SPTB: variants seen among roughly 807,000 people sequenced by gnomAD.
SPTB encodes spectrin beta chain, erythrocytic.
In SPTB, 45 loss-of-function variants were observed where a neutral mutation model predicts 256.2. The ratio of observed to expected loss-of-function variants is 0.18; its 90% CI spans 0.14 to 0.23. The LOEUF (loss-of-function observed/expected upper bound fraction) is 0.23, where lower values mean the gene tolerates loss of function less well. SPTB is among the 10% of genes least tolerant of loss of function. SPTB has a pLI of 1.00. For missense variants in SPTB, 2,715 were observed against 3,040.4 expected, an observed-to-expected ratio of 0.89 and a Z score of 2.52; for synonymous variants, 1,231 against 1,243.1, an observed-to-expected ratio of 0.99 and a Z score of 0.21.
intron 1 of SPTB, among the ~76,000 whole-genome samples, chr14:64,875,208 C>A (rs1471366758): frequency 1.3e-5 from 2 of 152,130 alleles, no homozygotes; most frequent in Non-Finnish European, 2.9e-5. Context: ...GAAAGGTGGT[C>A]TGGGAATTTG....
chr14:64,783,118 C>G (rs1316032999), intron 19 of SPTB, among the ~76,000 whole-genome samples: 1 of 152,174 alleles, frequency 6.6e-6, no homozygotes, highest in African/African-American at 2.4e-5. Flanking sequence ...GTTGCCTTAC[C>G]TGGTTTTCAT....
Position 64,805,096 on chromosome 14 carries a change from T to G in SPTB, c.149-6A>C, listed in dbSNP as rs1427232535. The G allele has an allele frequency of 1.2e-6, 2 of 1,613,942 alleles. No homozygotes were observed. The highest frequency in any genetic ancestry group is 4.5e-5 in the East Asian group (2 of 44,872). ...CTGAACAACTTCCCGCTCATCTAGGTGGAGAGAAGAACCTTGGTGAGGTGC... is the reference window on the plus strand; with the variant it reads ...CTGAACAACTTCCCGCTCATCTAGGGGGAGAGAAGAACCTTGGTGAGGTGC... On this transcript the variant is annotated splice_polypyrimidine_tract_variant and splice_region_variant and intron_variant, in intron 2 of 35. Coordinates refer to ENST00000644917, the MANE Select transcript of SPTB (RefSeq NM_001355436.2).
Position 64,749,180 on chromosome 14 carries a change from C to T in SPTB, c.*126G>A. 1.6e-6 allele frequency: 2 copies of T among 1,219,198 alleles called. No homozygotes were observed. The allele number at this position is 1,219,198 out of a possible 1,614,324, so 75.5% of individuals were successfully genotyped here. A position where few individuals can be genotyped will look rare whatever the true frequency, so the allele number is the denominator to read the frequency against. On this transcript the variant is annotated 3_prime_UTR_variant, in exon 36 of 36. Transcript: ENST00000644917. The surrounding 1 kb of genome is among the most constrained non-coding windows in gnomAD (Gnocchi z 4.7). ...CAGCTTTTGCAGTGCAGCGTGGGGC[C>T]CGGGGGCCCGGCCCGCGACTCGACT... is the stretch of plus-strand genomic sequence containing the variant.
intron 7 of SPTB, 101 bp downstream of exon 7, chr14:64,801,184 C>T: frequency 1.9e-6 from 2 of 1,033,470 alleles, no homozygotes; most frequent in Non-Finnish European, 2.9e-6. Context: ...TGCCCAGCAC[C>T]TGGGCCGGCC....
At chr14:64,757,383 T>C (rs540241784) in intron 32 of SPTB, 2 of 152,274 alleles carry the variant, frequency 1.3e-5, no homozygotes, top group Non-Finnish European at 2.9e-5. Flanking sequence ...CTGTTTCCTC[T>C]TAATGGGTGC....
chr14:64,771,999 C>T (rs539038573), intron 26 of SPTB, among the ~76,000 whole-genome samples: 24 of 152,316 alleles, frequency 1.6e-4, no homozygotes, highest in African/African-American at 5.1e-4. Flanking sequence ...TACGGATCTG[C>T]GGAGGGCACT....
Position 64,843,064 on chromosome 14 carries a change from C to CA in SPTB, c.-51-19920dup, listed in dbSNP as rs998096759. Among the ~76,000 whole-genome samples the CA allele has an allele frequency of 5.2e-3, 775 of 149,092 alleles. 7 individuals are homozygous for CA. The highest frequency in any genetic ancestry group is 0.018 in the African/African-American group (722 of 40,604). ...TGGGTGACAGAATGAGACCCTGTCT[C>CA]AAAAAAAAAGGGGGAGGGAAGACAT... On this transcript the variant is annotated intron_variant, in intron 1 of 35. Coordinates refer to ENST00000644917, the MANE Select transcript of SPTB (RefSeq NM_001355436.2).
In SPTB at chr14:64,799,755, C is replaced by A; in HGVS notation, c.1056G>T (p.Lys352Asn). 2 of 1,614,166 alleles carry A rather than the reference C, an allele frequency of 1.2e-6. No individual in the cohort carries two copies. Among genetic ancestry groups the A allele is most frequent in the Non-Finnish European group, 8.5e-7 (1 of 1,180,038 alleles). ...QAFSTYRTVE[K>N]PPKFQEKGNL... ...TGTGCCAGGGCCCTTACTTGGGCGG[C>A]TTCTCCACGGTGCGGTAGGTGCTGA... Residue 352 changes from lysine to asparagine, a missense_variant, in exon 9 of 36, where the codon AAG becomes AAT. This residue lies in a region of SPTB where 416 missense variants were observed against 571.1 expected (regional missense o/e 0.73). Transcript: ENST00000644917.
intron 1 of SPTB, among the ~76,000 whole-genome samples, chr14:64,878,127 A>C (rs1882915363): frequency 6.6e-6 from 1 of 152,226 alleles, no homozygotes; most frequent in African/African-American, 2.4e-5. Flanking sequence ...TGGGGCACTG[A>C]TAAAGCTAAG....
In SPTB at chr14:64,759,042, C is replaced by A. The variant is rs2082057417; in HGVS notation, c.6346-5249G>T. On this transcript the variant is annotated intron_variant, in intron 32 of 35. Coordinates refer to ENST00000644917, the MANE Select transcript of SPTB (RefSeq NM_001355436.2). The surrounding 1 kb of genome is among the most constrained non-coding windows in gnomAD (Gnocchi z 4.8). ...TCAGAATTCTAGAGCTGGAAAGAGG[C>A]CTTGGGGTCATGGGACTCAGCCTCT... 6.6e-6 allele frequency among the ~76,000 whole-genome samples: 1 copy of A among 152,078 alleles called. No individual in the cohort carries two copies. The highest frequency in any genetic ancestry group is 1.5e-5 in the Non-Finnish European group (1 of 68,010).
rs751336266 is a variant in SPTB, at chr14:64,795,540, G to A, written c.1441C>T (p.Leu481=). Reference sequence around the variant, plus strand: ...TCCAGCTCCTGAGCCAGGTCCTCCAGGGCTCTCACCCGCTCCTCGTAGGCA... The same window carrying A: ...TCCAGCTCCTGAGCCAGGTCCTCCAAGGCTCTCACCCGCTCCTCGTAGGCA... ...TAAYEERVRA[L]EDLAQELEKE... The change falls in exon 12 of 36, where the codon CTG becomes TTG. Residue 481 remains leucine, a synonymous_variant. Coordinates refer to ENST00000644917, the MANE Select transcript of SPTB (RefSeq NM_001355436.2). The surrounding 1 kb of genome is among the most constrained non-coding windows in gnomAD (Gnocchi z 6.5). 1 of 1,614,152 alleles carries A rather than the reference G, an allele frequency of 6.2e-7. No individual in the cohort carries two copies. The highest frequency in any genetic ancestry group is 8.5e-7 in the Non-Finnish European group (1 of 1,180,034).
At chr14:64,766,442 AATTT>A (rs1423015126) in intron 32 of SPTB, 5 of 1,415,218 alleles carry the variant, frequency 3.5e-6, no homozygotes, top group East Asian at 2.6e-5. Flanking sequence ...TATACAATAA[AATTT>A]ATTACATTAG....
In SPTB at chr14:64,826,825, G is replaced by A. The variant is rs2083384003; in HGVS notation, c.-51-3680C>T. Among the ~76,000 whole-genome samples the A allele has an allele frequency of 6.6e-6, 1 of 152,034 alleles. No individual in the cohort carries two copies. On this transcript the variant is annotated intron_variant, in intron 1 of 35. Coordinates refer to ENST00000644917, the MANE Select transcript of SPTB (RefSeq NM_001355436.2). This position sits in a 1 kb window ranked among gnomAD's most constrained non-coding sequence, Gnocchi z 4.4. Reference sequence around the variant, plus strand: ...GCACAGTCCAGAGTCATCCTTACCTGCCTTCTGCCACCACCGACCCCAGGC... The same window carrying A: ...GCACAGTCCAGAGTCATCCTTACCTACCTTCTGCCACCACCGACCCCAGGC...
intron 32 of SPTB, among the ~76,000 whole-genome samples, chr14:64,765,707 CAT>C: frequency 6.6e-6 from 1 of 152,340 alleles, no homozygotes; most frequent in African/African-American, 2.4e-5. Flanking sequence ...GAGGGCTCTG[CAT>C]AGGGGGAAAG....
chr14:64,841,036 G>T lies in SPTB; in HGVS notation c.-51-17891C>A, dbSNP rs1413992286. Among the ~76,000 whole-genome samples the T allele has an allele frequency of 6.6e-6, 1 of 152,190 alleles. No individual in the cohort carries two copies. Among genetic ancestry groups the T allele is most frequent in the East Asian group, 1.9e-4 (1 of 5,204 alleles). On this transcript the variant is annotated intron_variant, in intron 1 of 35. Transcript: ENST00000644917. This position sits in a 1 kb window ranked among gnomAD's most constrained non-coding sequence, Gnocchi z 4.6. ...CTCTGTGCTCCAGTTTCCTCACCCAGTTAAAAGTAAATTTCTCCAGCTATG... is the reference window on the plus strand; with the variant it reads ...CTCTGTGCTCCAGTTTCCTCACCCATTTAAAAGTAAATTTCTCCAGCTATG...
At chr14:64,851,991 C>A (rs1330078348) in intron 1 of SPTB, among the ~76,000 whole-genome samples, 2 of 152,072 alleles carry the variant, frequency 1.3e-5, no homozygotes, top group Non-Finnish European at 2.9e-5. Flanking sequence ...ATGTAACAAA[C>A]CTACACATCT....
In SPTB at chr14:64,791,737, T is replaced by C; in HGVS notation, c.2786A>G (p.Gln929Arg). The change falls in exon 15 of 36, where the codon CAG becomes CGG. Residue 929 changes from glutamine (Q) to arginine (R), a missense_variant. By Grantham distance (43) the Gln-to-Arg change is conservative (BLOSUM62 1). Transcript: ENST00000644917. ...HPRSREVKQYQDHLNTRWQAF... is the reference protein window; with the variant it reads ...HPRSREVKQYRDHLNTRWQAF... ...ACCCCACCTGGTGTTCAGATGGTCC[T>C]GGTACTGCTTCACCTCCCTGCTGCG... 1.2e-6 allele frequency: 2 copies of C among 1,614,100 alleles called. No individual in the cohort carries two copies. Among genetic ancestry groups the C allele is most frequent in the African/African-American group, 1.3e-5 (1 of 75,044 alleles).
chr14:64,777,299 A>G lies in SPTB; in HGVS notation c.4563+1858T>C, dbSNP rs1341895418. On this transcript the variant is annotated intron_variant, in intron 22 of 35. Transcript: ENST00000644917. This position sits in a 1 kb window ranked among gnomAD's most constrained non-coding sequence, Gnocchi z 4.5. ...AAGGAGGGCAAAGTGAGAAGAGCTG[A>G]GTTTCAGAAGCAGGCAGGGGTCAGG... 6.6e-6 allele frequency among the ~76,000 whole-genome samples: 1 copy of G among 152,174 alleles called. No homozygotes were observed. Among genetic ancestry groups the G allele is most frequent in the South Asian group, 2.1e-4 (1 of 4,828 alleles).
Position 64,823,963 on chromosome 14 carries a change from T to C in SPTB, c.-51-818A>G, listed in dbSNP as rs1173402723. Among the ~76,000 whole-genome samples, 1 of 152,206 alleles carries C rather than the reference T, an allele frequency of 6.6e-6. No individual in the cohort carries two copies. Among genetic ancestry groups the C allele is most frequent in the East Asian group, 1.9e-4 (1 of 5,188 alleles). ...TGATGAACCAGCGCATCAGGAGCAC[T>C]GGGTCCTCCCTCACCCGTCATCAGT... is the stretch of plus-strand genomic sequence containing the variant. On this transcript the variant is annotated intron_variant, in intron 1 of 35. Transcript: ENST00000644917. The surrounding 1 kb of genome is among the most constrained non-coding windows in gnomAD (Gnocchi z 6.5).
Sources: gnomAD v4.1 joint callset for allele counts (sites outside exome capture counted in the v4.1 genomes callset) on GRCh38, gnomAD v4.1.1 for gene constraint, gnomAD v4.1.1 regional missense constraint, Gnocchi (gnomAD v3.1) non-coding constraint, MANE v1.5 for transcripts, NCBI Gene and HGNC (gene_info 2026-07-23, HGNC 2026-07-21) for gene names.